HS6ST3: variants seen among roughly 807,000 people sequenced by gnomAD.
The protein encoded by HS6ST3 is heparan-sulfate 6-O-sulfotransferase 3.
A neutral mutation model predicts 36.7 loss-of-function variants in HS6ST3; 12 were observed. That is an observed-to-expected ratio of 0.33 (90% CI 0.21 to 0.53). The LOEUF (loss-of-function observed/expected upper bound fraction) is 0.53. HS6ST3 is among the 20% of genes least tolerant of loss of function. The pLI is 0.95. For missense variants in HS6ST3, 584 were observed against 640.9 expected (o/e 0.91, Z 0.96); for synonymous variants, 240 against 257.5 (o/e 0.93, Z 0.65).
chr13:96,355,165 T>C (rs1409691895), intron 1 of HS6ST3, among the ~76,000 whole-genome samples: 1 of 152,112 alleles, frequency 6.6e-6, no homozygotes, highest in Non-Finnish European at 1.5e-5. Flanking sequence ...TTGAAGAATC[T>C]GGGCAAAGTA....
At chr13:96,226,589 A>G (rs1470222878) in intron 1 of HS6ST3, among the ~76,000 whole-genome samples, 2 of 152,256 alleles carry the variant, frequency 1.3e-5, no homozygotes, top group Non-Finnish European at 2.9e-5. Context: ...TGGTGGTTGT[A>G]TATATTCTTG....
chr13:96,200,699 T>G (rs1378132038), intron 1 of HS6ST3, among the ~76,000 whole-genome samples: 1 of 152,202 alleles, frequency 6.6e-6, no homozygotes, highest in Non-Finnish European at 1.5e-5. Context: ...GAATTTTTGT[T>G]TTGCTCGCTA....
chr13:96,277,563 G>A (rs1042644481), intron 1 of HS6ST3, among the ~76,000 whole-genome samples: 1 of 152,074 alleles, frequency 6.6e-6, no homozygotes, highest in Admixed American at 6.6e-5. Context: ...CTTGTCAAAG[G>A]TTGATAGTTG....
chr13:96,449,376 A>G (rs1391535268), intron 1 of HS6ST3, among the ~76,000 whole-genome samples: 2 of 152,126 alleles, frequency 1.3e-5, no homozygotes, highest in Admixed American at 6.5e-5. Flanking sequence ...TGACATCTAC[A>G]TGCCAGTCTG....
At chr13:96,772,715 C>A (rs1287269021) in intron 1 of HS6ST3, among the ~76,000 whole-genome samples, 1 of 152,130 alleles carries the variant, frequency 6.6e-6, no homozygotes, top group African/African-American at 2.4e-5. Flanking sequence ...ATATAATAAG[C>A]CTTCAATAAG....
chr13:96,618,340 A>G (rs527845516), intron 1 of HS6ST3, among the ~76,000 whole-genome samples: 124 of 152,292 alleles, frequency 8.1e-4, no homozygotes, highest in Admixed American at 1.6e-3. Context: ...GGCTCAAGCA[A>G]TCCTCCAGCC....
At chr13:96,299,665 T>C (rs1034954257) in intron 1 of HS6ST3, among the ~76,000 whole-genome samples, 2 of 152,168 alleles carry the variant, frequency 1.3e-5, no homozygotes, top group African/African-American at 4.8e-5. Flanking sequence ...ATATTTGCAC[T>C]TTAGCATGAA....
chr13:96,403,539 T>G (rs2055462150), intron 1 of HS6ST3, among the ~76,000 whole-genome samples: 1 of 152,228 alleles, frequency 6.6e-6, no homozygotes, highest in Admixed American at 6.5e-5. Flanking sequence ...TTTTTACACT[T>G]TTGTGACTTA....
At chr13:96,346,820 C>G (rs1005078161) in intron 1 of HS6ST3, among the ~76,000 whole-genome samples, 14 of 152,078 alleles carry the variant, frequency 9.2e-5, no homozygotes, top group African/African-American at 3.4e-4. Context: ...GAGTAACTTT[C>G]TTCTAGTATA....
At chr13:96,505,288 A>T (rs774616647) in intron 1 of HS6ST3, among the ~76,000 whole-genome samples, 34 of 152,288 alleles carry the variant, frequency 2.2e-4, no homozygotes, top group Middle Eastern at 3.4e-3. Flanking sequence ...TTTCAAAAGC[A>T]CTAATGAGAA....
intron 1 of HS6ST3, among the ~76,000 whole-genome samples, chr13:96,533,459 T>A (rs1044184646): frequency 2.0e-5 from 3 of 152,200 alleles, no homozygotes; most frequent in African/African-American, 7.2e-5. Flanking sequence ...CTGCATCTGT[T>A]TACTCAGCAC....
rs905472227 is a variant in HS6ST3 at position 96,659,429 on chromosome 13, G to A, written c.708-173061G>A. On this transcript the variant is annotated intron_variant, in intron 1 of 1. Coordinates refer to ENST00000376705, the MANE Select transcript of HS6ST3 (RefSeq NM_153456.4). ...TATATAAGCTCTTTGTTAGACATAT[G>A]TATTATGATTATTAATATCTTATCT... is the stretch of plus-strand genomic sequence containing the variant. 2.6e-5 allele frequency among the ~76,000 whole-genome samples: 4 copies of A among 151,896 alleles called. 1 individual carries two copies. Among genetic ancestry groups the A allele is most frequent in the Admixed American group, 2.0e-4 (3 of 15,238 alleles).
chr13:96,757,117 A>G (rs1357797137), intron 1 of HS6ST3, among the ~76,000 whole-genome samples: 5 of 152,192 alleles, frequency 3.3e-5, no homozygotes, highest in African/African-American at 1.2e-4. Flanking sequence ...TAGAATTCAT[A>G]TAATCTTGCT....
intron 1 of HS6ST3, among the ~76,000 whole-genome samples, chr13:96,105,081 GAAAA>G (rs1321113533): frequency 8.1e-6 from 1 of 122,926 alleles, no homozygotes; most frequent in Non-Finnish European, 1.8e-5. Context: ...AAAAAAAAAA[GAAAA>G]AGAAAGAAGA....
chr13:96,737,710 C>T (rs1876323669), intron 1 of HS6ST3, among the ~76,000 whole-genome samples: 1 of 150,726 alleles, frequency 6.6e-6, no homozygotes, highest in African/African-American at 2.4e-5. Flanking sequence ...AGAAAACTCT[C>T]ATGCTGTTCA....
rs549619120 is a variant in HS6ST3, at chr13:96,665,304, C to G, written c.708-167186C>G. On this transcript the variant is annotated intron_variant, in intron 1 of 1. Transcript: ENST00000376705. ...ATTTCAATTGAATGCCTACATTGTG[C>G]CACATACATAGCAATGGAGCTGGAG... Among the ~76,000 whole-genome samples the G allele has an allele frequency of 3.9e-5, 6 of 152,236 alleles. No individual in the cohort carries two copies. In the South Asian group the frequency reaches 1.2e-3, roughly 32 times the overall value.
intron 1 of HS6ST3, among the ~76,000 whole-genome samples, chr13:96,474,673 G>A (rs1043100243): frequency 1.3e-5 from 2 of 152,082 alleles, no homozygotes; most frequent in African/African-American, 4.8e-5. Flanking sequence ...AACAATAATC[G>A]GCTCCAATGA....
At chr13:96,552,526 C>T (rs1284402270) in intron 1 of HS6ST3, among the ~76,000 whole-genome samples, 36 of 152,172 alleles carry the variant, frequency 2.4e-4, no homozygotes, top group Non-Finnish European at 2.9e-5. Context: ...AGTTTCCCTC[C>T]TGGGGGCTAT....
At chr13:96,704,635 C>A (rs2138455485) in intron 1 of HS6ST3, among the ~76,000 whole-genome samples, 1 of 152,176 alleles carries the variant, frequency 6.6e-6, no homozygotes, top group Admixed American at 6.5e-5. Flanking sequence ...AGATGCAGGT[C>A]CTCTGAAGAG....
Sources: allele counts gnomAD v4.1 joint callset (sites outside exome capture counted in the v4.1 genomes callset), GRCh38; gene constraint gnomAD v4.1.1; transcripts MANE v1.5; gene names NCBI Gene and HGNC (gene_info 2026-07-23, HGNC 2026-07-21).